GJA9: variants seen among roughly 807,000 people sequenced by gnomAD.
GJA9 encodes gap junction alpha-9 protein.
In GJA9, 1 loss-of-function variant was observed where a neutral mutation model predicts 0.4. That is an observed-to-expected ratio of 2.50 (90% confidence interval 0.89 to 11.88). GJA9 has a LOEUF of 11.88. GJA9 is among the 30% of genes most tolerant of loss of function. The pLI, the probability that GJA9 is intolerant of heterozygous loss-of-function variation, is 0.12. For missense variants in GJA9, 550 were observed against 602.8 expected (o/e 0.91, Z 0.92); for synonymous variants, 190 against 219.1 (o/e 0.87, Z 1.17).
Position 38,881,521 on chromosome 1 carries a change from TGCTGGTATAGA to T in GJA9, c.-196_-186del, listed in dbSNP as rs1276823217. On this transcript the variant is annotated 5_prime_UTR_variant, in exon 1 of 2. It introduces an in-frame stop codon into an upstream open reading frame of the 5' UTR. Transcript: ENST00000357771. ...AATTTATTTTCTGAATTTGTCCCTT[TGCTGGTATAGA>T]GCAGATTCAGTTCAGTTGAATGTAG... 3 of 700,052 alleles carry T rather than the reference TGCTGGTATAGA, an allele frequency of 4.3e-6. No homozygotes were observed. Among genetic ancestry groups the T allele is most frequent in the Middle Eastern group, 2.3e-4 (1 of 4,370 alleles). 43.4% of individuals were successfully genotyped at this position (700,052 alleles called of 1,614,324 possible). A position where few individuals can be genotyped will look rare whatever the true frequency, so the allele number is the denominator to read the frequency against.
rs540022787 is a variant in GJA9 at position 38,876,103 on chromosome 1, A to G, written c.-5T>C. 3.1e-6 allele frequency: 5 copies of G among 1,607,512 alleles called. No individual in the cohort carries two copies. The East Asian group carries it at 8.9e-5, about 29-fold the overall frequency. On this transcript the variant is annotated 5_prime_UTR_variant, in exon 2 of 2. Coordinates refer to ENST00000357771, the MANE Select transcript of GJA9 (RefSeq NM_030772.5). ...AAGGAGATTCCAGTCCCCCATGTTT[A>G]TTTAGTCAGCCATCTTAGCTCTGAT... is the stretch of plus-strand genomic sequence containing the variant.
chr1:38,880,302 G>C (rs1642668167), intron 1 of GJA9, among the ~76,000 whole-genome samples: 1 of 147,798 alleles, frequency 6.8e-6, no homozygotes, highest in African/African-American at 2.5e-5. Context: ...TACTCGGGAG[G>C]CTGAGGCAGA....
In GJA9 at chr1:38,874,802, CATGTTCTGTAG is replaced by C. The variant is rs755818308; in HGVS notation, c.1286_1296del (p.Ser429Ter). The C allele has an allele frequency of 3.1e-6, 5 of 1,614,046 alleles. No homozygotes were observed. The South Asian group carries it at 5.5e-5, about 18-fold the overall frequency. On this transcript the variant is annotated frameshift_variant, in exon 2 of 2. Transcript: ENST00000357771. LOFTEE classifies it low-confidence loss of function (END_TRUNC). ...CCTTTAGGAGGTGACCCCCGGTTTT[CATGTTCTGTAG>C]AGGAACCCCATGTAGCTCTAAGCCA... is the stretch of plus-strand genomic sequence containing the variant.
At chr1:38,879,942 C>A (rs901445381) in intron 1 of GJA9, among the ~76,000 whole-genome samples, 7 of 151,652 alleles carry the variant, frequency 4.6e-5, no homozygotes, top group Non-Finnish European at 7.4e-5. Flanking sequence ...TGATCTCGAT[C>A]TCCTGACCTC....
chr1:38,880,976 A>G (rs1436874385), intron 1 of GJA9, among the ~76,000 whole-genome samples: 4 of 152,188 alleles, frequency 2.6e-5, no homozygotes, highest in African/African-American at 9.7e-5. Context: ...AATGATAAAC[A>G]TACATAAAAT....
rs1642544268 is a variant in GJA9, at chr1:38,874,596, C to T, written c.1503G>A (p.Thr501=). The T allele has an allele frequency of 6.2e-7, 1 of 1,614,080 alleles. No individual in the cohort carries two copies. Among genetic ancestry groups the T allele is most frequent in the Non-Finnish European group, 8.5e-7 (1 of 1,180,010 alleles). The change falls in exon 2 of 2, where the codon ACG becomes ACA. Residue 501 remains threonine, a synonymous_variant. Transcript: ENST00000357771. ...VCPPNHVVSL[T]NNLIGRRVPT... ...GAACCCGCCTACCAATGAGATTGTT[C>T]GTTAGGGACACTACGTGATTTGGAG...
rs752641850 is a variant in GJA9 at position 38,875,520 on chromosome 1, C to T, written c.579G>A (p.Pro193=). 8 of 1,614,166 alleles carry T rather than the reference C, an allele frequency of 5.0e-6. No individual in the cohort carries two copies. The highest frequency in any genetic ancestry group is 2.2e-5 in the East Asian group (1 of 44,886). The part of the protein sequence containing the change: ...LEPLFKCHGH[P]CPNIIDCFVS... Reference sequence around the variant, plus strand: ...CAAAACAGTCGATTATATTTGGACACGGGTGGCCATGGCACTTAAATAGCG... The same window carrying T: ...CAAAACAGTCGATTATATTTGGACATGGGTGGCCATGGCACTTAAATAGCG... The change falls in exon 2 of 2, where the codon CCG becomes CCA. Residue 193 remains proline (P), a synonymous_variant. Transcript: ENST00000357771.
In GJA9 at chr1:38,875,955, CTCA is replaced by C. The variant is rs1310372190; in HGVS notation, c.141_143del (p.Asp47del). ...CTGTATTGCAGATGAAGCCAGACTG[CTCA>C]TCATTCCAGACATCTTCAGCTGCTA... On this transcript the variant is annotated inframe_deletion, in exon 2 of 2. Coordinates refer to ENST00000357771, the MANE Select transcript of GJA9 (RefSeq NM_030772.5). The C allele has an allele frequency of 1.2e-6, 2 of 1,614,094 alleles. No individual in the cohort carries two copies. The highest frequency in any genetic ancestry group is 1.7e-6 in the Non-Finnish European group (2 of 1,180,040).
Position 38,874,106 on chromosome 1 carries a change from A to AT in GJA9, c.*444dup, listed in dbSNP as rs944415801. ...TTTATTTACTAGGTAGCAACATGTGATTATACTCAAGACACATCAGGATGC... is the reference window on the plus strand; with the variant it reads ...TTTATTTACTAGGTAGCAACATGTGATTTATACTCAAGACACATCAGGATGC... On this transcript the variant is annotated 3_prime_UTR_variant, in exon 2 of 2. Coordinates refer to ENST00000357771, the MANE Select transcript of GJA9 (RefSeq NM_030772.5). The AT allele has an allele frequency of 4.4e-5, 16 of 360,496 alleles. No individual in the cohort carries two copies. The highest frequency in any genetic ancestry group is 3.4e-4 in the African/African-American group (16 of 46,758). 22.3% of individuals were successfully genotyped at this position (360,496 alleles called of 1,614,324 possible).
At position 38,875,874 on chromosome 1, in the gene GJA9, A is replaced by G; in HGVS notation, c.225T>C (p.Ile75=). 2 of 1,614,104 alleles carry G rather than the reference A, an allele frequency of 1.2e-6. No individual in the cohort carries two copies. Among genetic ancestry groups the G allele is most frequent in the East Asian group, 2.2e-5 (1 of 44,898 alleles). ...CYDQAFPISL[I]RYWVLQVIFV... is the part of the protein sequence containing the mutation. Reference sequence around the variant, plus strand: ...ATATCACCTGCAGAACCCAGTATCTAATGAGGGAGATAGGAAAGGCCTGGT... The same window carrying G: ...ATATCACCTGCAGAACCCAGTATCTGATGAGGGAGATAGGAAAGGCCTGGT... Residue 75 remains isoleucine, a synonymous_variant, in exon 2 of 2, where the codon ATT becomes ATC. Coordinates refer to ENST00000357771, the MANE Select transcript of GJA9 (RefSeq NM_030772.5).
Position 38,881,496 on chromosome 1 carries a change from A to T in GJA9, c.-160T>A, listed in dbSNP as rs1318885891. ...TAGAAGTTACAGCATGGCCATCTTC[A>T]ATTTATTTTCTGAATTTGTCCCTTT... On this transcript the variant is annotated 5_prime_UTR_variant, in exon 1 of 2. The change creates a premature stop within an existing upstream ORF in the 5' untranslated region. Coordinates refer to ENST00000357771, the MANE Select transcript of GJA9 (RefSeq NM_030772.5). The T allele has an allele frequency of 1.4e-6, 1 of 700,404 alleles. No homozygotes were observed. Among genetic ancestry groups the T allele is most frequent in the Admixed American group, 2.0e-5 (1 of 49,824 alleles). The allele number at this position is 700,404 out of a possible 1,614,324, so 43.4% of individuals were successfully genotyped here. A position where few individuals can be genotyped will look rare whatever the true frequency, so the allele number is the denominator to read the frequency against.
rs756966331 is a variant in GJA9 at position 38,875,849 on chromosome 1, AT to A, written c.249del (p.Phe84LeufsTer17). ...SLIRYWVLQV[I>X]FVSSPSLVYM... Reference sequence around the variant, plus strand: ...TAGACCAGGGATGGTGAAGACACAAATATCACCTGCAGAACCCAGTATCTAA... The same window carrying A: ...TAGACCAGGGATGGTGAAGACACAAAATCACCTGCAGAACCCAGTATCTAA... On this transcript the variant is annotated frameshift_variant, in exon 2 of 2. Transcript: ENST00000357771. LOFTEE classifies it low-confidence loss of function (END_TRUNC). 1.2e-6 allele frequency: 2 copies of A among 1,614,088 alleles called. No homozygotes were observed. Among genetic ancestry groups the A allele is most frequent in the Non-Finnish European group, 1.7e-6 (2 of 1,180,046 alleles).
At position 38,874,623 on chromosome 1, in the gene GJA9, A is replaced by G. The variant is rs1330228845; in HGVS notation, c.1476T>C (p.Cys492=). The G allele has an allele frequency of 1.2e-6, 2 of 1,614,096 alleles. No individual in the cohort carries two copies. The highest frequency in any genetic ancestry group is 2.7e-5 in the African/African-American group (2 of 74,938). ...TTAGGGACACTACGTGATTTGGAGG[A>G]CAAACAGGATTATTACAGGTTCTGA... is the stretch of plus-strand genomic sequence containing the variant. ...GLVRTCNNPV[C]PPNHVVSLTN... Residue 492 remains cysteine (C), a synonymous_variant, in exon 2 of 2, where the codon TGT becomes TGC. Transcript: ENST00000357771.
chr1:38,880,211 T>C (rs2124284619), intron 1 of GJA9, among the ~76,000 whole-genome samples: 1 of 148,558 alleles, frequency 6.7e-6, no homozygotes, highest in Admixed American at 6.8e-5. Flanking sequence ...GAGACCAGCC[T>C]GGCCAACATG....
In GJA9 at chr1:38,875,790, A is replaced by G. The variant is rs1264997519; in HGVS notation, c.309T>C (p.Leu103=). The change falls in exon 2 of 2, where the codon CTT becomes CTC. Residue 103 remains leucine, a synonymous_variant. Coordinates refer to ENST00000357771, the MANE Select transcript of GJA9 (RefSeq NM_030772.5). ...MGHALYRLRV[L]EEERQRMKAQ... is the part of the protein sequence containing the mutation. The stretch of plus-strand genomic sequence containing the variant: ...CTTTCATCCTTTGCCTCTCTTCCTC[A>G]AGAACTCTCAGTCGGTACAATGCAT... 1 of 1,614,118 alleles carries G rather than the reference A, an allele frequency of 6.2e-7. No individual in the cohort carries two copies. Among genetic ancestry groups the G allele is most frequent in the Non-Finnish European group, 8.5e-7 (1 of 1,180,056 alleles).
At chr1:38,880,933 ACATC>A (rs1642687599) in intron 1 of GJA9, among the ~76,000 whole-genome samples, 1 of 152,234 alleles carries the variant, frequency 6.6e-6, no homozygotes, top group African/African-American at 2.4e-5. Flanking sequence ...ATAATCGACT[ACATC>A]CACGGTGTGA....
intron 1 of GJA9, among the ~76,000 whole-genome samples, chr1:38,877,219 A>G (rs1642603616): frequency 6.7e-6 from 1 of 148,700 alleles, no homozygotes; most frequent in Admixed American, 6.8e-5. Flanking sequence ...TTGTATTTTT[A>G]GTAGAGATGA....
At chr1:38,876,866 G>A (rs1177363883) in intron 1 of GJA9, among the ~76,000 whole-genome samples, 3 of 151,570 alleles carry the variant, frequency 2.0e-5, no homozygotes, top group Admixed American at 6.6e-5. Context: ...GGTGGCAGGC[G>A]CTTGTAGTCC....
chr1:38,874,976 C>G lies in GJA9; in HGVS notation c.1123G>C (p.Gly375Arg), dbSNP rs770590264. The G allele has an allele frequency of 3.7e-6, 6 of 1,614,150 alleles. 1 individual carries two copies. The South Asian group carries it at 6.6e-5, about 18-fold the overall frequency. Residue 375 changes from glycine to arginine, a missense_variant, in exon 2 of 2, where the codon GGC becomes CGC. By Grantham distance (125) the Gly-to-Arg change is moderately radical. Coordinates refer to ENST00000357771, the MANE Select transcript of GJA9 (RefSeq NM_030772.5). ...TAGTAGTTCCTTTTGCTGTCTTTGC[C>G]TTCAGTTTCTCTTTTTTCCATTAAC... is the stretch of plus-strand genomic sequence containing the variant. ...NQLMEKRETE[G>R]KDSKRNYYSR...
Sources: gnomAD v4.1 joint callset for allele counts (sites outside exome capture counted in the v4.1 genomes callset) on GRCh38, gnomAD v4.1.1 for gene constraint, MANE v1.5 for transcripts, NCBI Gene and HGNC (gene_info 2026-07-23, HGNC 2026-07-21) for gene names.